The following KCNK10 variants were observed in gnomAD, a reference collection of about 807,000 sequenced individuals.
The protein encoded by KCNK10 is potassium two pore domain channel subfamily K member 10, also known as potassium channel subfamily K member 10.
In KCNK10, 25 loss-of-function variants were observed where a neutral mutation model predicts 47.7. That is an observed-to-expected ratio of 0.52 (90% confidence interval 0.38 to 0.73). The LOEUF is 0.73. Ranked by LOEUF, KCNK10 falls within the 30% of genes least tolerant of loss-of-function variation. The pLI, the probability that KCNK10 is intolerant of heterozygous loss-of-function variation, is 0.00. For synonymous variants in KCNK10, 303 were observed against 285.6 expected, an observed-to-expected ratio of 1.06 and a Z score of -0.61; for missense variants, 563 against 714.5, an observed-to-expected ratio of 0.79 and a Z score of 2.42.
chr14:88,231,670 C>T (rs185883983), intron 3 of KCNK10, among the ~76,000 whole-genome samples: 3 of 152,308 alleles, frequency 2.0e-5, no homozygotes, highest in East Asian at 1.9e-4. Flanking sequence ...GACTTTCTCA[C>T]GTTGAATTAG....
intron 4 of KCNK10, among the ~76,000 whole-genome samples, chr14:88,222,435 G>A (rs1885845952): frequency 6.6e-6 from 1 of 152,172 alleles, no homozygotes; most frequent in South Asian, 2.1e-4. Context: ...ATTTTTAGGA[G>A]AGTGAAATAC....
At chr14:88,308,233 T>C (rs1888241587) in intron 1 of KCNK10, among the ~76,000 whole-genome samples, 1 of 152,198 alleles carries the variant, frequency 6.6e-6, no homozygotes, top group African/African-American at 2.4e-5. Context: ...GGATGGCTCC[T>C]ACAGGTCTCT....
intron 1 of KCNK10, among the ~76,000 whole-genome samples, chr14:88,319,685 C>T (rs946221854): frequency 1.1e-4 from 16 of 152,156 alleles, no homozygotes; most frequent in African/African-American, 3.9e-4. Flanking sequence ...CCCTTTTCCT[C>T]TTCATCCTCT....
intron 2 of KCNK10, among the ~76,000 whole-genome samples, chr14:88,248,286 C>T (rs1172665609): frequency 1.3e-5 from 2 of 152,132 alleles, no homozygotes; most frequent in Admixed American, 1.3e-4. Context: ...CCTTCCATTG[C>T]CATTGCATTG....
chr14:88,224,105 C>A (rs576726147), intron 4 of KCNK10, among the ~76,000 whole-genome samples: 1 of 152,102 alleles, frequency 6.6e-6, no homozygotes, highest in African/African-American at 2.4e-5. Context: ...AATTTGGCAC[C>A]TTTACTTTTA....
chr14:88,220,303 G>A (rs962565416), intron 4 of KCNK10, among the ~76,000 whole-genome samples: 1 of 148,578 alleles, frequency 6.7e-6, no homozygotes, highest in African/African-American at 2.5e-5. Flanking sequence ...TGTAGTCCCA[G>A]CTACTTGGGA....
chr14:88,256,976 G>A (rs1886974771), intron 2 of KCNK10, among the ~76,000 whole-genome samples: 1 of 152,190 alleles, frequency 6.6e-6, no homozygotes, highest in South Asian at 2.1e-4. Flanking sequence ...AGCTCATTAA[G>A]TGGTATAGGA....
At chr14:88,270,137 A>C (rs1887367277) in intron 1 of KCNK10, among the ~76,000 whole-genome samples, 1 of 151,234 alleles carries the variant, frequency 6.6e-6, no homozygotes, top group African/African-American at 2.4e-5. Flanking sequence ...CTAGGTCTGG[A>C]ATCATTCCGG....
In KCNK10 at chr14:88,186,072, C is replaced by CA; in HGVS notation, c.1094dup (p.Glu366GlyfsTer5). On this transcript the variant is annotated frameshift_variant, in exon 7 of 7. Transcript: ENST00000319231. LOFTEE classifies it high-confidence loss of function. This position sits in a 1 kb window ranked among gnomAD's most constrained non-coding sequence, Gnocchi z 5.5. ...CCCGCTGCAGCTTATCGTGGATCTCCACGCTGAGCCTTCGCCGTGTCTCCC... is the reference window on the plus strand; with the variant it reads ...CCCGCTGCAGCTTATCGTGGATCTCCAACGCTGAGCCTTCGCCGTGTCTCCC... 1 of 1,612,486 alleles carries CA rather than the reference C, an allele frequency of 6.2e-7. No individual in the cohort carries two copies. Among genetic ancestry groups the CA allele is most frequent in the Non-Finnish European group, 8.5e-7 (1 of 1,179,898 alleles).
intron 2 of KCNK10, among the ~76,000 whole-genome samples, chr14:88,247,354 A>ACG: frequency 6.6e-6 from 1 of 151,874 alleles, no homozygotes; most frequent in South Asian, 2.1e-4. Flanking sequence ...GAGTGGACAC[A>ACG]CCCCAATCAA....
At chr14:88,253,925 G>A (rs773807465) in intron 2 of KCNK10, among the ~76,000 whole-genome samples, 29 of 152,108 alleles carry the variant, frequency 1.9e-4, no homozygotes, top group African/African-American at 2.7e-4. Flanking sequence ...GCCCATAGAC[G>A]TCATAAAGTG....
chr14:88,275,240 C>G (rs1887502273), intron 1 of KCNK10, among the ~76,000 whole-genome samples: 2 of 152,116 alleles, frequency 1.3e-5, no homozygotes, highest in African/African-American at 4.8e-5. Context: ...CTCTGAGACC[C>G]CAGCCCTCTG....
intron 1 of KCNK10, among the ~76,000 whole-genome samples, chr14:88,267,561 G>A (rs1208979192): frequency 4.0e-5 from 6 of 151,764 alleles, no homozygotes; most frequent in African/African-American, 4.8e-5. Context: ...TAGTAGAGAC[G>A]GGGTTTCACC....
At position 88,185,803 on chromosome 14, in the gene KCNK10, G is replaced by A; in HGVS notation, c.1364C>T (p.Thr455Ile). Residue 455 changes from threonine to isoleucine, a missense_variant, in exon 7 of 7, where the codon ACC becomes ATC. By Grantham distance (89) the Thr-to-Ile change is moderately conservative. Coordinates refer to ENST00000319231, the MANE Select transcript of KCNK10 (RefSeq NM_138317.3). This position sits in a 1 kb window ranked among gnomAD's most constrained non-coding sequence, Gnocchi z 4.3. ...GTTTTTCCTCTTGGTGAGTCTGGAG[G>A]TGGACCCGAACTTGTTGATGATGTT... ...EDNIINKFGS[T>I]SRLTKRKNKD... 6.2e-7 allele frequency: 1 copy of A among 1,614,172 alleles called. No homozygotes were observed. The highest frequency in any genetic ancestry group is 8.5e-7 in the Non-Finnish European group (1 of 1,180,032).
upstream of KCNK10, among the ~76,000 whole-genome samples, chr14:88,325,666 C>T (rs936226963): frequency 2.2e-5 from 3 of 138,360 alleles, no homozygotes; most frequent in Admixed American, 7.2e-5. Flanking sequence ...GGTCTAAATA[C>T]GATATTTTCC....
intron 1 of KCNK10, among the ~76,000 whole-genome samples, chr14:88,305,508 TG>T (rs879932285): frequency 2.0e-5 from 3 of 152,108 alleles, no homozygotes; most frequent in Admixed American, 2.0e-4. Context: ...GAAGATATCT[TG>T]GGGAGAAAAC....
chr14:88,191,264 C>A (rs199628952), intron 5 of KCNK10, among the ~76,000 whole-genome samples: 5,831 of 142,900 alleles, frequency 0.041, 248 homozygotes, highest in African/African-American at 0.11. Flanking sequence ...AAAACAAAAA[C>A]AAAAACAAAA....
chr14:88,265,413 C>T (rs1054777758), intron 1 of KCNK10, among the ~76,000 whole-genome samples: 6 of 152,064 alleles, frequency 3.9e-5, no homozygotes, highest in Non-Finnish European at 8.8e-5. Context: ...GAATGTGGTC[C>T]CTCTAGAAGC....
chr14:88,231,080 G>C (rs1307528561), intron 3 of KCNK10, among the ~76,000 whole-genome samples: 3 of 151,990 alleles, frequency 2.0e-5, no homozygotes, highest in African/African-American at 7.3e-5. Flanking sequence ...TTTGAGACCA[G>C]CCTGAACAAT....
Sources: allele counts gnomAD v4.1 joint callset (sites outside exome capture counted in the v4.1 genomes callset), GRCh38; gene constraint gnomAD v4.1.1; non-coding constraint Gnocchi (gnomAD v3.1); transcripts MANE v1.5; gene names NCBI Gene and HGNC (gene_info 2026-07-23, HGNC 2026-07-21).